The following ARHGEF33 variants were observed in gnomAD, a reference collection of about 807,000 sequenced individuals.
ARHGEF33 encodes the protein DH and coiled-coil domain-containing protein ENSP00000381780.
ARHGEF33 carries 72 observed loss-of-function variants against 101.9 expected under a neutral mutation model. That is an observed-to-expected ratio of 0.71 (90% CI 0.58 to 0.86). The LOEUF (loss-of-function observed/expected upper bound fraction) is 0.86. Among genes scored for constraint, ARHGEF33 ranks in the 40% least tolerant of loss-of-function variants. The pLI, the probability that ARHGEF33 is intolerant of heterozygous loss-of-function variation, is 0.00. For synonymous variants in ARHGEF33, 499 were observed against 442.5 expected, an observed-to-expected ratio of 1.13 and a Z score of -1.60; for missense variants, 1,169 against 1,111.3, an observed-to-expected ratio of 1.05 and a Z score of -0.74.
chr2:38,922,148 T>C (rs79315504), intron 4 of ARHGEF33, among the ~76,000 whole-genome samples: 1,604 of 152,282 alleles, frequency 0.011, 36 homozygotes, highest in East Asian at 0.065. Flanking sequence ...ATCATGGAAC[T>C]TTATTCTGAC....
intron 14 of ARHGEF33, among the ~76,000 whole-genome samples, 175 bp downstream of exon 14, chr2:38,957,222 C>T (rs917394665): frequency 6.6e-6 from 1 of 152,096 alleles, no homozygotes; most frequent in Admixed American, 6.6e-5. Context: ...ACACTGACTA[C>T]CCAGTGGAAA....
At chr2:38,917,827 T>C (rs1163984853) in intron 2 of ARHGEF33, among the ~76,000 whole-genome samples, 1 of 129,172 alleles carries the variant, frequency 7.7e-6, no homozygotes, top group African/African-American at 2.9e-5. Context: ...AGACCTTGTC[T>C]CAAAAAAAAA....
At chr2:38,965,808 C>A (rs538037284) in intron 16 of ARHGEF33, among the ~76,000 whole-genome samples, 198 bp from the exon 17 acceptor site, 1 of 152,280 alleles carries the variant, frequency 6.6e-6, no homozygotes, top group South Asian at 2.1e-4. Context: ...GAAAATACTA[C>A]ACTCAGCAGG....
At chr2:38,966,725 C>T (rs1318042141) in intron 17 of ARHGEF33, among the ~76,000 whole-genome samples, 2 of 152,192 alleles carry the variant, frequency 1.3e-5, no homozygotes, top group Non-Finnish European at 2.9e-5. Context: ...CATTTTCCTC[C>T]TGTGGTCCTT....
chr2:38,924,939 A>G (rs771209080), intron 4 of ARHGEF33, among the ~76,000 whole-genome samples: 10 of 152,230 alleles, frequency 6.6e-5, no homozygotes, highest in Non-Finnish European at 1.3e-4. Context: ...TACAAGCAAC[A>G]TAAATTTCCA....
chr2:38,897,644 G>A (rs1666150090), intron 2 of ARHGEF33, among the ~76,000 whole-genome samples: 1 of 152,082 alleles, frequency 6.6e-6, no homozygotes, highest in South Asian at 2.1e-4. Context: ...GGAAACCTTG[G>A]GAGTATGGAT....
chr2:38,963,288 T>C (rs191654444), intron 16 of ARHGEF33, among the ~76,000 whole-genome samples: 11 of 152,308 alleles, frequency 7.2e-5, no homozygotes, highest in African/African-American at 2.6e-4. Flanking sequence ...ACTCCTAGTG[T>C]TTCTTCCCTT....
At position 38,974,914 on chromosome 2, in the gene ARHGEF33, T is replaced by C. The variant is rs1271210567; in HGVS notation, c.*1071T>C. ...TGCCTGGCTCTGGGGTGATAAAATG[T>C]GCTCTGTTTCCACATGGATATGTGC... On this transcript the variant is annotated 3_prime_UTR_variant, in exon 18 of 18. Transcript: ENST00000409978. 6.6e-6 allele frequency: 1 copy of C among 152,214 alleles called. No homozygotes were observed. Among genetic ancestry groups the C allele is most frequent in the Non-Finnish European group, 1.5e-5 (1 of 68,042 alleles). 9.4% of individuals were successfully genotyped at this position (152,214 alleles called of 1,614,324 possible). A position where few individuals can be genotyped will look rare whatever the true frequency, so the allele number is the denominator to read the frequency against.
At chr2:38,897,923 T>G (rs1666157859) in intron 2 of ARHGEF33, among the ~76,000 whole-genome samples, 1 of 152,190 alleles carries the variant, frequency 6.6e-6, no homozygotes, top group African/African-American at 2.4e-5. Flanking sequence ...GTCTTCGTGA[T>G]AGAAGCCCAG....
intron 17 of ARHGEF33, among the ~76,000 whole-genome samples, chr2:38,968,907 C>A (rs1668110620): frequency 6.6e-6 from 1 of 152,118 alleles, no homozygotes; most frequent in Non-Finnish European, 1.5e-5. Flanking sequence ...TGAGTGTTTT[C>A]ATATGAGGAC....
At chr2:38,938,706 A>G (rs1240556948) in intron 9 of ARHGEF33, among the ~76,000 whole-genome samples, 2 of 152,180 alleles carry the variant, frequency 1.3e-5, no homozygotes, top group Non-Finnish European at 2.9e-5. Flanking sequence ...TGTGCATGAA[A>G]GAACCTGAGA....
At position 38,929,820 on chromosome 2, in the gene ARHGEF33, G is replaced by C; in HGVS notation, c.352G>C (p.Val118Leu). 1 of 1,551,248 alleles carries C rather than the reference G, an allele frequency of 6.4e-7. No individual in the cohort carries two copies. The highest frequency in any genetic ancestry group is 8.7e-7 in the Non-Finnish European group (1 of 1,146,738). Residue 118 changes from valine to leucine, a missense_variant, in exon 6 of 18, where the codon GTT (valine) becomes CTT (leucine). By Grantham distance (32) the Val-to-Leu change is conservative. Transcript: ENST00000409978. ...QQEKRRESRK[V>L]KAKKTQKEEH... is the part of the protein sequence containing the mutation. Reference sequence around the variant, plus strand: ...GGAGAAGCGAAGAGAATCTCGAAAAGTTAAAGCCAAGTGAGTGTCTTTTAA... The same window carrying C: ...GGAGAAGCGAAGAGAATCTCGAAAACTTAAAGCCAAGTGAGTGTCTTTTAA...
intron 2 of ARHGEF33, among the ~76,000 whole-genome samples, chr2:38,911,314 TC>T (rs1447547609): frequency 6.6e-6 from 1 of 152,142 alleles, no homozygotes; most frequent in Admixed American, 6.6e-5. Flanking sequence ...CATAAAAAGT[TC>T]CCATTCTACT....
chr2:38,909,318 T>C (rs1317774758), intron 2 of ARHGEF33, among the ~76,000 whole-genome samples: 2 of 152,042 alleles, frequency 1.3e-5, no homozygotes, highest in Non-Finnish European at 2.9e-5. Flanking sequence ...TTTATTTATT[T>C]CATTAAAAAA....
chr2:38,900,742 C>A (rs1309112542), intron 2 of ARHGEF33, among the ~76,000 whole-genome samples: 1 of 152,104 alleles, frequency 6.6e-6, no homozygotes, highest in Non-Finnish European at 1.5e-5. Flanking sequence ...GATGGGGTTT[C>A]TGAGATTTAA....
In ARHGEF33 at chr2:38,959,985, G is replaced by A. The variant is rs1667873188; in HGVS notation, c.1680G>A (p.Ala560=). The A allele has an allele frequency of 3.2e-6, 5 of 1,550,832 alleles. No homozygotes were observed. The highest frequency in any genetic ancestry group is 4.4e-6 in the Non-Finnish European group (5 of 1,146,676). ...TTCTGGCACCGACGCAGTTCTGCGC[G>A]GCCGAGCAGGACGTGAAGGCGCTGG... The part of the protein sequence containing the change: ...ESLLAPTQFC[A]AEQDVKALAG... Residue 560 remains alanine (A), a synonymous_variant, in exon 16 of 18, where the codon GCG becomes GCA. Coordinates refer to ENST00000409978, the MANE Select transcript of ARHGEF33 (RefSeq NM_001145451.5).
At chr2:38,969,441 G>C (rs1668121489) in intron 17 of ARHGEF33, 1 of 169,194 alleles carries the variant, frequency 5.9e-6, no homozygotes, top group Non-Finnish European at 1.5e-5. Context: ...CACCCAGAAT[G>C]CTGCTTCGGG....
intron 10 of ARHGEF33, among the ~76,000 whole-genome samples, chr2:38,948,944 C>G (rs865892972): frequency 7.2e-5 from 11 of 152,294 alleles, no homozygotes; most frequent in African/African-American, 2.4e-4. Flanking sequence ...CCCACTGTTC[C>G]ATTGTAAGCG....
Position 38,954,558 on chromosome 2 carries a change from T to C in ARHGEF33, c.1221+102T>C, listed in dbSNP as rs531683558. On this transcript the variant is annotated intron_variant, in intron 13 of 17. Transcript: ENST00000409978. The stretch of plus-strand genomic sequence containing the variant: ...ACTGTAAAGCCTCAAGAATCATTAA[T>C]ATTTCTAAGAAGTGTTTATTTAGAT... 372 of 724,236 alleles carry C rather than the reference T, an allele frequency of 5.1e-4. 4 individuals are homozygous for C. The East Asian group carries it at 9.7e-3, about 19-fold the overall frequency. 44.9% of individuals were successfully genotyped at this position (724,236 alleles called of 1,614,324 possible). A position where few individuals can be genotyped will look rare whatever the true frequency, so the allele number is the denominator to read the frequency against.
Sources: gnomAD v4.1 joint callset for allele counts (sites outside exome capture counted in the v4.1 genomes callset) on GRCh38, gnomAD v4.1.1 for gene constraint, MANE v1.5 for transcripts, NCBI Gene and HGNC (gene_info 2026-07-23, HGNC 2026-07-21) for gene names.